GPM6A: variants seen among roughly 807,000 people sequenced by gnomAD.
GPM6A encodes neuronal membrane glycoprotein M6-a.
In GPM6A, 7 loss-of-function variants were observed where a neutral mutation model predicts 32.1. The observed-to-expected ratio is 0.22, with a 90% CI of 0.12 to 0.41. GPM6A has a LOEUF of 0.41. Among genes scored for constraint, GPM6A ranks in the 10% least tolerant of loss-of-function variants. The pLI is 1.00. For synonymous variants in GPM6A, 130 were observed against 123.4 expected, an observed-to-expected ratio of 1.05 and a Z score of -0.35; for missense variants, 235 against 347.2, an observed-to-expected ratio of 0.68 and a Z score of 2.57.
chr4:175,658,150 C>T (rs928825218), intron 3 of GPM6A, among the ~76,000 whole-genome samples: 2 of 152,020 alleles, frequency 1.3e-5, no homozygotes, highest in African/African-American at 2.4e-5. Flanking sequence ...ATTGCCCAAA[C>T]TTGGAAGAAG....
chr4:175,738,309 A>G (rs1431257600), intron 1 of GPM6A, among the ~76,000 whole-genome samples: 1 of 152,120 alleles, frequency 6.6e-6, no homozygotes, highest in African/African-American at 2.4e-5. Flanking sequence ...AAACCATGTC[A>G]GCCACCCAAC....
At chr4:175,731,966 AT>A (rs35116129) in intron 1 of GPM6A, among the ~76,000 whole-genome samples, 6,755 of 123,590 alleles carry the variant, frequency 0.055, 313 homozygotes, top group East Asian at 0.29. Context: ...TCCTCACTTC[AT>A]TTTTTTTTTT....
chr4:175,962,346 A>G, intron 1 of GPM6A: 1 of 816,656 alleles, frequency 1.2e-6, no homozygotes, highest in Non-Finnish European at 2.2e-6. Flanking sequence ...TCAGCTTCTT[A>G]AGACTCCTTC....
At chr4:175,648,425 G>A (rs1407198123) in intron 4 of GPM6A, among the ~76,000 whole-genome samples, 1 of 152,146 alleles carries the variant, frequency 6.6e-6, no homozygotes, top group Non-Finnish European at 1.5e-5. Context: ...ACAGAAAATG[G>A]ACTGCCATCA....
intron 1 of GPM6A, among the ~76,000 whole-genome samples, chr4:175,902,089 C>T (rs547658953): frequency 6.6e-6 from 1 of 151,970 alleles, no homozygotes; most frequent in Admixed American, 6.6e-5. Context: ...AAACTAGAAA[C>T]AATCCAAAAG....
At position 175,974,449 on chromosome 4, in the gene GPM6A, G is replaced by A. The variant is rs147132066; in HGVS notation, c.-23+27860C>T. Among the ~76,000 whole-genome samples the A allele has an allele frequency of 1.6e-3, 248 of 152,160 alleles. 1 individual carries two copies. The highest frequency in any genetic ancestry group is 6.8e-3 in the Middle Eastern group (2 of 294). ...CAGTTCACTGCAGCCTCCACCTCCC[G>A]GGTTCAAGCGATTCTCCAGCCTCAG... On this transcript the variant is annotated intron_variant, in intron 1 of 7. Coordinates refer to the GPM6A transcript ENST00000280187.
At chr4:175,873,283 G>C (rs939441287) in intron 1 of GPM6A, among the ~76,000 whole-genome samples, 11 of 151,100 alleles carry the variant, frequency 7.3e-5, no homozygotes, top group Admixed American at 2.0e-4. Context: ...TTTAGGTCTA[G>C]AAAATTTATC....
chr4:175,980,908 C>G (rs1740798207), intron 1 of GPM6A, among the ~76,000 whole-genome samples: 1 of 152,126 alleles, frequency 6.6e-6, no homozygotes, highest in South Asian at 2.1e-4. Context: ...AACATATTAT[C>G]TCATGCATAA....
intron 1 of GPM6A, among the ~76,000 whole-genome samples, chr4:175,817,334 A>T (rs529671375): frequency 2.6e-5 from 4 of 152,338 alleles, no homozygotes; most frequent in African/African-American, 9.6e-5. Context: ...CTGAATTGTA[A>T]AAGTGTTTAC....
At chr4:175,810,653 T>G (rs781372041) in intron 1 of GPM6A, among the ~76,000 whole-genome samples, 2 of 152,264 alleles carry the variant, frequency 1.3e-5, no homozygotes, top group African/African-American at 4.8e-5. Context: ...TTTAGTGTAA[T>G]GAATATCATT....
upstream of GPM6A, chr4:175,812,416 C>T: frequency 7.8e-7 from 1 of 1,289,554 alleles, no homozygotes; most frequent in Non-Finnish European, 9.7e-7. Flanking sequence ...CTCTTGTTTG[C>T]TTGGAGACAG....
intron 1 of GPM6A, among the ~76,000 whole-genome samples, chr4:175,964,980 G>A (rs896573287): frequency 1.3e-5 from 2 of 152,230 alleles, no homozygotes; most frequent in Admixed American, 1.3e-4. Context: ...CACTATTACA[G>A]TTGCAGACTT....
intron 1 of GPM6A, chr4:175,798,743 C>T (rs899331961): frequency 1.3e-5 from 2 of 151,974 alleles, no homozygotes; most frequent in African/African-American, 4.8e-5. Flanking sequence ...TCTCTTAATC[C>T]TGAGTCGATT....
chr4:175,730,627 C>A (rs375896402), intron 1 of GPM6A, among the ~76,000 whole-genome samples: 1 of 152,064 alleles, frequency 6.6e-6, no homozygotes, highest in African/African-American at 2.4e-5. Flanking sequence ...CCCGCCACCA[C>A]GCGCGGCTAA....
chr4:175,978,560 TA>T (rs1488218570), intron 1 of GPM6A, among the ~76,000 whole-genome samples: 2 of 152,162 alleles, frequency 1.3e-5, no homozygotes, highest in Non-Finnish European at 2.9e-5. Context: ...AAGAGAGAAA[TA>T]AATCACTTGT....
At chr4:175,778,236 A>G (rs904748603) in intron 1 of GPM6A, among the ~76,000 whole-genome samples, 7 of 152,196 alleles carry the variant, frequency 4.6e-5, no homozygotes, top group Non-Finnish European at 1.0e-4. Context: ...TAGGCTACAA[A>G]TATTAGACTG....
chr4:175,658,678 G>A (rs1742226759), intron 3 of GPM6A, among the ~76,000 whole-genome samples: 1 of 152,034 alleles, frequency 6.6e-6, no homozygotes, highest in Non-Finnish European at 1.5e-5. Flanking sequence ...GCTGGGGAGG[G>A]GGCTATGTAA....
At chr4:175,664,770 C>T (rs1351692382) in intron 3 of GPM6A, among the ~76,000 whole-genome samples, 2 of 152,254 alleles carry the variant, frequency 1.3e-5, no homozygotes, top group East Asian at 1.9e-4. Context: ...CTTTTACTCA[C>T]TAATTTGTTA....
At position 176,002,172 on chromosome 4, in the gene GPM6A, G is replaced by C; in HGVS notation, c.-23+137C>G. 6 of 960,110 alleles carry C rather than the reference G, an allele frequency of 6.2e-6. No individual in the cohort carries two copies. In the South Asian group the frequency reaches 8.3e-5, roughly 13 times the overall value. The allele number at this position is 960,110 out of a possible 1,614,324, so 59.5% of individuals were successfully genotyped here. A position where few individuals can be genotyped will look rare whatever the true frequency, so the allele number is the denominator to read the frequency against. On this transcript the variant is annotated intron_variant, in intron 1 of 7. Coordinates refer to the GPM6A transcript ENST00000280187. ...GTCCGGAGACAAGAGGGCGGGGGGC[G>C]GGGGACGCCAGGCGCGGGGGGAACA...
Sources: gnomAD v4.1 joint callset for allele counts (sites outside exome capture counted in the v4.1 genomes callset) on GRCh38, gnomAD v4.1.1 for gene constraint, MANE v1.5 for transcripts, NCBI Gene and HGNC (gene_info 2026-07-23, HGNC 2026-07-21) for gene names.